Variants in ERFL observed in about 807,000 individuals in gnomAD.
ERFL encodes ETS domain-containing transcription factor ERF-like.
In ERFL, 8 loss-of-function variants were observed where a neutral mutation model predicts 27.9. The observed-to-expected ratio is 0.29, with a 90% CI of 0.17 to 0.52. The LOEUF (loss-of-function observed/expected upper bound fraction) is 0.52, where lower values mean the gene tolerates loss of function less well. ERFL is among the 20% of genes least tolerant of loss of function. The pLI is 0.97. For missense variants in ERFL, 294 were observed against 444.4 expected (o/e 0.66, Z 3.04); for synonymous variants, 174 against 202.8 (o/e 0.86, Z 1.21).
rs1166836029 is a variant in ERFL at position 41,921,387 on chromosome 19, A to G, written c.-14+6653T>C. On this transcript the variant is annotated intron_variant, in intron 1 of 5. Transcript: ENST00000597630. The surrounding 1 kb of genome is among the most constrained non-coding windows in gnomAD (Gnocchi z 4.4). Reference sequence around the variant, plus strand: ...GAGGGGGATAGGCGGGACATGGGGAACCCCACCAGGGGAAGGCACAGAGAA... The same window carrying G: ...GAGGGGGATAGGCGGGACATGGGGAGCCCCACCAGGGGAAGGCACAGAGAA... Among the ~76,000 whole-genome samples the G allele has an allele frequency of 6.6e-6, 1 of 151,872 alleles. No homozygotes were observed. Among genetic ancestry groups the G allele is most frequent in the Non-Finnish European group, 1.5e-5 (1 of 67,966 alleles).
chr19:41,926,718 G>C (rs984113778), intron 1 of ERFL, among the ~76,000 whole-genome samples: 27 of 152,172 alleles, frequency 1.8e-4, no homozygotes, highest in Non-Finnish European at 2.6e-4. Flanking sequence ...GGCCGGGAGG[G>C]GGGAGCGGGC....
At position 41,918,498 on chromosome 19, in the gene ERFL, T is replaced by C. The variant is rs572391203; in HGVS notation, c.-13-5566A>G. On this transcript the variant is annotated intron_variant, in intron 1 of 5. Transcript: ENST00000597630. The stretch of plus-strand genomic sequence containing the variant: ...ACGCACCACGCACACCACACACACA[T>C]CACACACACACCACACACATCACAC... Among the ~76,000 whole-genome samples the C allele has an allele frequency of 1.0e-3, 103 of 102,060 alleles. 2 individuals carry two copies. Among genetic ancestry groups the C allele is most frequent in the African/African-American group, 3.8e-3 (98 of 25,748 alleles). The allele number at this position is 102,060 out of a possible 152,430, so 67.0% of individuals were successfully genotyped here.
intron 1 of ERFL, among the ~76,000 whole-genome samples, chr19:41,925,347 G>T (rs1278587535): frequency 2.6e-5 from 4 of 152,108 alleles, no homozygotes; most frequent in Admixed American, 2.6e-4. Context: ...AGTGGATAGA[G>T]AGTACCTGAG....
rs561953161 is a variant in ERFL at position 41,908,095 on chromosome 19, G to T, written c.*133C>A. On this transcript the variant is annotated 3_prime_UTR_variant, in exon 6 of 6. Transcript: ENST00000597630. The surrounding 1 kb of genome is among the most constrained non-coding windows in gnomAD (Gnocchi z 6.7). Reference sequence around the variant, plus strand: ...CCCCCCCCACTCTGGGGCTGGGGAAGGAGACTGGGGCAGCAATGTGCCCAG... The same window carrying T: ...CCCCCCCCACTCTGGGGCTGGGGAATGAGACTGGGGCAGCAATGTGCCCAG... 431 of 639,514 alleles carry T rather than the reference G, an allele frequency of 6.7e-4. 2 individuals are homozygous for T. The highest frequency in any genetic ancestry group is 6.2e-3 in the South Asian group (75 of 12,032). The allele number at this position is 639,514 out of a possible 1,614,324, so 39.6% of individuals were successfully genotyped here. A position where few individuals can be genotyped will look rare whatever the true frequency, so the allele number is the denominator to read the frequency against.
Position 41,916,237 on chromosome 19 carries a change from C to G in ERFL, c.-13-3305G>C, listed in dbSNP as rs868988435. Among the ~76,000 whole-genome samples, 2 of 151,598 alleles carry G rather than the reference C, an allele frequency of 1.3e-5. No homozygotes were observed. The highest frequency in any genetic ancestry group is 2.9e-5 in the Non-Finnish European group (2 of 67,984). Reference sequence around the variant, plus strand: ...AGATGCACACACCAGCACAGCCACACACACACCATCACATACCACACACTG... The same window carrying G: ...AGATGCACACACCAGCACAGCCACAGACACACCATCACATACCACACACTG... On this transcript the variant is annotated intron_variant, in intron 1 of 5. Transcript: ENST00000597630. The surrounding 1 kb of genome is among the most constrained non-coding windows in gnomAD (Gnocchi z 5.4).
At chr19:41,913,569 A>C (rs2074767584) in intron 1 of ERFL, among the ~76,000 whole-genome samples, 4 of 146,876 alleles carry the variant, frequency 2.7e-5, no homozygotes, top group African/African-American at 1.0e-4. Context: ...GGCAGCCCCC[A>C]GCGCCCTGCA....
chr19:41,922,465 G>A (rs888093984), intron 1 of ERFL, among the ~76,000 whole-genome samples: 8 of 152,158 alleles, frequency 5.3e-5, no homozygotes, highest in Non-Finnish European at 8.8e-5. Flanking sequence ...ACAGGGAATC[G>A]GATGACAAGG....
chr19:41,920,600 G>A (rs1452628566), intron 1 of ERFL, among the ~76,000 whole-genome samples: 12 of 152,216 alleles, frequency 7.9e-5, no homozygotes, highest in African/African-American at 2.7e-4. Context: ...GACAGGACAT[G>A]TGTGGCTCCA....
At chr19:41,923,061 C>T (rs1446113864) in intron 1 of ERFL, 11 of 437,622 alleles carry the variant, frequency 2.5e-5, no homozygotes, top group Non-Finnish European at 5.1e-5. Context: ...GTTCAGCGCC[C>T]CCTCTGACCC....
Position 41,909,798 on chromosome 19 carries a change from G to A in ERFL, c.302+65C>T, listed in dbSNP as rs1258223296. The A allele has an allele frequency of 1.3e-6, 2 of 1,484,598 alleles. No homozygotes were observed. Among genetic ancestry groups the A allele is most frequent in the Non-Finnish European group, 1.8e-6 (2 of 1,106,412 alleles). 92.0% of individuals were successfully genotyped at this position (1,484,598 alleles called of 1,614,324 possible). ...CAGGAACCTGCCCCAGGATGCAGAG[G>A]GGGCACCAGAGGGACAGTTGGGGGA... On this transcript the variant is annotated intron_variant, in intron 3 of 5. Transcript: ENST00000597630. This position sits in a 1 kb window ranked among gnomAD's most constrained non-coding sequence, Gnocchi z 5.2.
chr19:41,909,559 A>G lies in ERFL; in HGVS notation c.303-88T>C, dbSNP rs2074741066. On this transcript the variant is annotated intron_variant, in intron 3 of 5. Coordinates refer to ENST00000597630, the MANE Select transcript of ERFL (RefSeq NM_001365103.2). This position sits in a 1 kb window ranked among gnomAD's most constrained non-coding sequence, Gnocchi z 5.2. ...TCTTAATGCGTGTGCTGTCCCAGGC[A>G]TGGTGCACAGAGCACTAGAACTTGG... 4 of 1,021,604 alleles carry G rather than the reference A, an allele frequency of 3.9e-6. No individual in the cohort carries two copies. Among genetic ancestry groups the G allele is most frequent in the Admixed American group, 3.8e-5 (1 of 26,468 alleles). The allele number at this position is 1,021,604 out of a possible 1,614,324, so 63.3% of individuals were successfully genotyped here. A position where few individuals can be genotyped will look rare whatever the true frequency, so the allele number is the denominator to read the frequency against.
In ERFL at chr19:41,916,207, C is replaced by T. The variant is rs1296128130; in HGVS notation, c.-13-3275G>A. On this transcript the variant is annotated intron_variant, in intron 1 of 5. Transcript: ENST00000597630. This position sits in a 1 kb window ranked among gnomAD's most constrained non-coding sequence, Gnocchi z 5.4. ...CCACCACGTCCCACACAGCACACAT[C>T]GCACAGATGCACACACCAGCACAGC... Among the ~76,000 whole-genome samples the T allele has an allele frequency of 2.0e-5, 3 of 151,990 alleles. No homozygotes were observed. Among genetic ancestry groups the T allele is most frequent in the Admixed American group, 1.3e-4 (2 of 15,270 alleles).
At chr19:41,923,130 C>T (rs782376940) in intron 1 of ERFL, 3 of 456,440 alleles carry the variant, frequency 6.6e-6, no homozygotes, top group Middle Eastern at 6.5e-4. Context: ...TAGGAACTGC[C>T]ATGATGGATG....
At chr19:41,913,771 C>A (rs564375604) in intron 1 of ERFL, among the ~76,000 whole-genome samples, 8 of 150,710 alleles carry the variant, frequency 5.3e-5, no homozygotes, top group African/African-American at 1.5e-4. Context: ...AGTCTCCCCG[C>A]ACCTTTCCCC....
chr19:41,922,970 C>T (rs1019386655), intron 1 of ERFL: 2 of 367,324 alleles, frequency 5.4e-6, no homozygotes, highest in Admixed American at 6.9e-5. Context: ...ACACTCACTC[C>T]CACTGACAGC....
chr19:41,923,977 G>A (rs1163350365), intron 1 of ERFL, among the ~76,000 whole-genome samples: 3 of 99,722 alleles, frequency 3.0e-5, no homozygotes, highest in South Asian at 7.9e-4. Flanking sequence ...AGGTAGGGGT[G>A]CGCTGGGAGG....
chr19:41,918,119 C>T (rs2074813127), intron 1 of ERFL, among the ~76,000 whole-genome samples: 1 of 151,986 alleles, frequency 6.6e-6, no homozygotes, highest in Non-Finnish European at 1.5e-5. Flanking sequence ...CCCCCATTCC[C>T]ACACTGCCCA....
In ERFL at chr19:41,914,585, CCCT is replaced by C. The variant is rs2074777561; in HGVS notation, c.-13-1656_-13-1654del. ...ACCATCTCTGTCTCCGTCTCTCCCT[CCCT>C]TTCCACCATCTCTGTCTCTCCCTCC... On this transcript the variant is annotated intron_variant, in intron 1 of 5. Transcript: ENST00000597630. Among the ~76,000 whole-genome samples the C allele has an allele frequency of 1.2e-4, 12 of 99,934 alleles. 1 individual carries two copies. The highest frequency in any genetic ancestry group is 1.2e-4 in the Non-Finnish European group (6 of 48,314). The allele number at this position is 99,934 out of a possible 152,430, so 65.6% of individuals were successfully genotyped here. A position where few individuals can be genotyped will look rare whatever the true frequency, so the allele number is the denominator to read the frequency against.
chr19:41,925,124 T>G (rs2074863715), intron 1 of ERFL, among the ~76,000 whole-genome samples: 1 of 151,998 alleles, frequency 6.6e-6, no homozygotes, highest in Non-Finnish European at 1.5e-5. Context: ...TGAAGAGATG[T>G]GAAGCAAAGA....
Sources: gnomAD v4.1 joint callset for allele counts (sites outside exome capture counted in the v4.1 genomes callset) on GRCh38, gnomAD v4.1.1 for gene constraint, Gnocchi (gnomAD v3.1) non-coding constraint, MANE v1.5 for transcripts, NCBI Gene and HGNC (gene_info 2026-07-23, HGNC 2026-07-21) for gene names.